The following TBC1D30 variants were observed in gnomAD, a reference collection of about 807,000 sequenced individuals.
TBC1D30 encodes the protein TBC1 domain family member 30, also known as TBC1 domain family, member 30.
TBC1D30 carries 31 observed loss-of-function variants against 63.2 expected under a neutral mutation model. That is an observed-to-expected ratio of 0.49 (90% CI 0.37 to 0.66). The LOEUF (loss-of-function observed/expected upper bound fraction) is 0.66. Ranked by LOEUF, TBC1D30 falls within the 30% of genes least tolerant of loss-of-function variation. The probability of loss-of-function intolerance (pLI) is 0.00; values close to 1 mark genes in which losing one functional copy is unlikely to be tolerated. For missense variants in TBC1D30, 810 were observed against 953.6 expected, an observed-to-expected ratio of 0.85 and a Z score of 1.98; for synonymous variants, 307 against 361.5, an observed-to-expected ratio of 0.85 and a Z score of 1.71.
chr12:64,813,794 A>G (rs17764441), intron 2 of TBC1D30, among the ~76,000 whole-genome samples: 1,860 of 152,248 alleles, frequency 0.012, 24 homozygotes, highest in Non-Finnish European at 0.02. Flanking sequence ...GTGGGATGGT[A>G]TGGCTTCCTT....
upstream of TBC1D30, among the ~76,000 whole-genome samples, chr12:64,776,547 G>T (rs1293392636): frequency 1.3e-5 from 2 of 152,106 alleles, no homozygotes; most frequent in Non-Finnish European, 2.9e-5. Context: ...ACCCTTTTAA[G>T]ACTGAGCCAG....
chr12:64,776,684 AAAG>A (rs1871090371), upstream of TBC1D30, among the ~76,000 whole-genome samples: 1 of 152,152 alleles, frequency 6.6e-6, no homozygotes, highest in Admixed American at 6.6e-5. Flanking sequence ...GATGTACAAA[AAAG>A]AGCTGATATC....
At chr12:64,840,028 A>AT (rs1875733161) in intron 7 of TBC1D30, among the ~76,000 whole-genome samples, 4 of 141,900 alleles carry the variant, frequency 2.8e-5, no homozygotes, top group African/African-American at 1.0e-4. Context: ...AAAAAAAAAA[A>AT]TCCACCAACT....
intron 8 of TBC1D30, among the ~76,000 whole-genome samples, chr12:64,852,657 C>T (rs952404781): frequency 7.2e-5 from 11 of 152,120 alleles, no homozygotes; most frequent in African/African-American, 2.2e-4. Flanking sequence ...CAGTGACCTT[C>T]GGATGGGGTT....
intron 2 of TBC1D30, among the ~76,000 whole-genome samples, chr12:64,792,267 T>G (rs993789047): frequency 6.6e-6 from 1 of 152,244 alleles, no homozygotes; most frequent in African/African-American, 2.4e-5. Context: ...TGTGTGCTCC[T>G]TCCTGGCTGA....
intron 2 of TBC1D30, among the ~76,000 whole-genome samples, chr12:64,792,736 A>G (rs1463128213): frequency 6.6e-6 from 1 of 151,862 alleles, no homozygotes; most frequent in East Asian, 1.9e-4. Context: ...ACACCCAGCT[A>G]ATTTTTTTTT....
chr12:64,870,521 T>C (rs1878569081), intron 10 of TBC1D30, 81 bp from the exon 11 acceptor site: 1 of 1,130,598 alleles, frequency 8.8e-7, no homozygotes, highest in East Asian at 2.6e-5. Context: ...GATACCGCAC[T>C]GAGTTGTAGT....
chr12:64,801,956 T>C (rs1872600457), intron 2 of TBC1D30, among the ~76,000 whole-genome samples: 1 of 152,186 alleles, frequency 6.6e-6, no homozygotes, highest in African/African-American at 2.4e-5. Context: ...GCGTTTTTGC[T>C]GTGAATTTTT....
At chr12:64,839,787 C>T (rs1363462895) in intron 7 of TBC1D30, among the ~76,000 whole-genome samples, 7 of 152,042 alleles carry the variant, frequency 4.6e-5, no homozygotes, top group Non-Finnish European at 7.4e-5. Flanking sequence ...CAGTGGGTCA[C>T]GAGTTCAGGA....
At chr12:64,825,194 C>T (rs12810901) in intron 1 of TBC1D30, among the ~76,000 whole-genome samples, 161 bp downstream of exon 1, 3 of 152,244 alleles carry the variant, frequency 2.0e-5, no homozygotes, top group African/African-American at 7.2e-5. Context: ...AGCGATTGGT[C>T]TGGAAGGGTA....
At chr12:64,796,695 C>G (rs1872294679) in intron 2 of TBC1D30, among the ~76,000 whole-genome samples, 1 of 151,992 alleles carries the variant, frequency 6.6e-6, no homozygotes, top group Non-Finnish European at 1.5e-5. Context: ...TACATTAAAC[C>G]ATTTTTTAGA....
chr12:64,794,461 C>G (rs1323873209), intron 2 of TBC1D30, among the ~76,000 whole-genome samples: 1 of 151,112 alleles, frequency 6.6e-6, no homozygotes, highest in East Asian at 1.9e-4. Flanking sequence ...TTTTTTGAGA[C>G]AGGGTCTCGT....
intron 9 of TBC1D30, among the ~76,000 whole-genome samples, chr12:64,865,028 A>G (rs1182904961): frequency 1.3e-5 from 2 of 152,074 alleles, no homozygotes; most frequent in East Asian, 3.9e-4. Flanking sequence ...AATGATATCA[A>G]GCATTAAAAA....
At chr12:64,790,514 C>G (rs900180491) in intron 2 of TBC1D30, among the ~76,000 whole-genome samples, 3 of 152,026 alleles carry the variant, frequency 2.0e-5, no homozygotes, top group African/African-American at 7.2e-5. Flanking sequence ...AGTAGTTTTA[C>G]AGATCAAGTG....
At chr12:64,849,107 C>T (rs1412833224) in intron 8 of TBC1D30, among the ~76,000 whole-genome samples, 1 of 152,164 alleles carries the variant, frequency 6.6e-6, no homozygotes, top group Non-Finnish European at 1.5e-5. Context: ...CCTTTGCCCA[C>T]TTTTTGATGG....
upstream of TBC1D30, among the ~76,000 whole-genome samples, chr12:64,776,390 A>T (rs1459687142): frequency 6.6e-6 from 1 of 152,202 alleles, no homozygotes; most frequent in East Asian, 1.9e-4. Flanking sequence ...AACAGAGAAG[A>T]TTCAAATAAA....
chr12:64,834,786 C>CGAT (rs1487161691), intron 5 of TBC1D30, among the ~76,000 whole-genome samples: 5 of 141,412 alleles, frequency 3.5e-5, no homozygotes, highest in Non-Finnish European at 7.5e-5. Flanking sequence ...TGAGCTGGCT[C>CGAT]TATGTCTTCA....
rs11382841 is a variant in TBC1D30, at chr12:64,833,867, G to GTT, written c.594+1572_594+1573dup. On this transcript the variant is annotated intron_variant, in intron 5 of 11. Coordinates refer to ENST00000539867, the MANE Select transcript of TBC1D30 (RefSeq NM_015279.2). ...TTACTCAGTCTATCAGCTTTCATCA[G>GTT]TTTTTTTTTTCAGATGGAATTGGTA... 6.2e-3 allele frequency among the ~76,000 whole-genome samples: 928 copies of GTT among 150,232 alleles called. 12 individuals are homozygous for GTT. Among genetic ancestry groups the GTT allele is most frequent in the African/African-American group, 0.019 (783 of 40,952 alleles).
chr12:64,870,897 C>G lies in TBC1D30; in HGVS notation c.1498+89C>G, dbSNP rs1474214073. The G allele has an allele frequency of 4.0e-6, 5 of 1,260,532 alleles. No individual in the cohort carries two copies. The African/African-American group carries it at 4.4e-5, about 11-fold the overall frequency. The allele number at this position is 1,260,532 out of a possible 1,614,324, so 78.1% of individuals were successfully genotyped here. A position where few individuals can be genotyped will look rare whatever the true frequency, so the allele number is the denominator to read the frequency against. On this transcript the variant is annotated intron_variant, in intron 11 of 11. Coordinates refer to ENST00000539867, the MANE Select transcript of TBC1D30 (RefSeq NM_015279.2). Reference sequence around the variant, plus strand: ...TAATCCTAGGAAGGCCTTGGAATTACTAACTGTAGCTCAGTATCCATCAAC... The same window carrying G: ...TAATCCTAGGAAGGCCTTGGAATTAGTAACTGTAGCTCAGTATCCATCAAC...
Sources: gnomAD v4.1 joint callset for allele counts (sites outside exome capture counted in the v4.1 genomes callset) on GRCh38, gnomAD v4.1.1 for gene constraint, MANE v1.5 for transcripts, NCBI Gene and HGNC (gene_info 2026-07-23, HGNC 2026-07-21) for gene names.